Variants in JRK observed in about 807,000 individuals in gnomAD.
JRK encodes the protein Jrk helix-turn-helix protein.
For missense variants in JRK, 720 were observed against 509.2 expected (o/e 1.41, Z -3.98); for synonymous variants, 303 against 218.1 (o/e 1.39, Z -3.43).
Position 142,666,125 on chromosome 8 carries a change from C to T in JRK, c.-67G>A. Reference sequence around the variant, plus strand: ...TGGCCTGGGCTGCTGCCACTACTTCCCTCTCCTCCTGCTCCCCTTCTGGGG... The same window carrying T: ...TGGCCTGGGCTGCTGCCACTACTTCTCTCTCCTCCTGCTCCCCTTCTGGGG... On this transcript the variant is annotated 5_prime_UTR_variant, in exon 2 of 2. Coordinates refer to ENST00000612905, the MANE Select transcript of JRK (RefSeq NM_003724.4). The T allele has an allele frequency of 6.4e-7, 1 of 1,551,498 alleles. No homozygotes were observed. The highest frequency in any genetic ancestry group is 8.7e-7 in the Non-Finnish European group (1 of 1,147,836).
In JRK at chr8:142,663,223, G is replaced by A; in HGVS notation, c.*1129C>T. 1.0e-6 allele frequency: 1 copy of A among 985,452 alleles called. No homozygotes were observed. The highest frequency in any genetic ancestry group is 1.2e-6 in the Non-Finnish European group (1 of 829,950). 61.0% of individuals were successfully genotyped at this position (985,452 alleles called of 1,614,324 possible). A position where few individuals can be genotyped will look rare whatever the true frequency, so the allele number is the denominator to read the frequency against. ...CGAGGCTAATCACTGTGGACACAGGGCGTTCTGGAATCTCAGCTGCAGGCA... is the reference window on the plus strand; with the variant it reads ...CGAGGCTAATCACTGTGGACACAGGACGTTCTGGAATCTCAGCTGCAGGCA... On this transcript the variant is annotated 3_prime_UTR_variant, in exon 2 of 2. Transcript: ENST00000612905.
chr8:142,662,786 C>T lies in JRK; in HGVS notation c.*1566G>A, dbSNP rs782253207. ...ACAGCAGACGCTGGAATGCAAACTA[C>T]GTGCTGACTCGGCCAAATGATATGA... On this transcript the variant is annotated 3_prime_UTR_variant, in exon 2 of 2. Coordinates refer to ENST00000612905, the MANE Select transcript of JRK (RefSeq NM_003724.4). 1.2e-4 allele frequency: 120 copies of T among 985,232 alleles called. No homozygotes were observed. Among genetic ancestry groups the T allele is most frequent in the African/African-American group, 1.2e-3 (68 of 57,236 alleles). 61.0% of individuals were successfully genotyped at this position (985,232 alleles called of 1,614,324 possible).
chr8:142,664,293 T>C lies in JRK; in HGVS notation c.*59A>G, dbSNP rs1847011106. The C allele has an allele frequency of 6.0e-6, 9 of 1,495,972 alleles. No individual in the cohort carries two copies. The highest frequency in any genetic ancestry group is 1.4e-5 in the South Asian group (1 of 72,782). 92.7% of individuals were successfully genotyped at this position (1,495,972 alleles called of 1,614,324 possible). On this transcript the variant is annotated 3_prime_UTR_variant, in exon 2 of 2. Transcript: ENST00000612905. ...CAGGTGGGGTCGGGGCACAGGACCA[T>C]GCCACTCCAGGGTGTGGGGAGAAAC...
At chr8:142,646,121 T>C in the JRK span, among the ~76,000 whole-genome samples, 2 of 152,206 alleles carry the variant, frequency 1.3e-5, no homozygotes, top group Non-Finnish European at 2.9e-5. Flanking sequence ...TCCCATTACA[T>C]TTACCTAATT....
rs781865813 is a variant in JRK, at chr8:142,665,837, C to A, written c.222G>T (p.Ala74=). ...RFFASSDSNK[A]LEQRRTLHTP... is the part of the protein sequence containing the mutation. ...TGTGCAGCGTGCGCCGCTGCTCCAG[C>A]GCCTTGTTGGAGTCGGAGCTGGCGA... Residue 74 remains alanine, a synonymous_variant, in exon 2 of 2, where the codon GCG becomes GCT. Transcript: ENST00000612905. The A allele has an allele frequency of 2.6e-6, 2 of 779,356 alleles. No individual in the cohort carries two copies. The highest frequency in any genetic ancestry group is 1.7e-5 in the Admixed American group (1 of 58,880). The allele number at this position is 779,356 out of a possible 1,614,324, so 48.3% of individuals were successfully genotyped here.
At position 142,663,134 on chromosome 8, in the gene JRK, C is replaced by T. The variant is rs1374714228; in HGVS notation, c.*1218G>A. On this transcript the variant is annotated 3_prime_UTR_variant, in exon 2 of 2. Coordinates refer to ENST00000612905, the MANE Select transcript of JRK (RefSeq NM_003724.4). ...CACCACTTCACTCCAGCCTGGTCAA[C>T]AGAGTGAGACCCTGCCTCAAGAAAA... 7.1e-6 allele frequency: 7 copies of T among 979,482 alleles called. No homozygotes were observed. Among genetic ancestry groups the T allele is most frequent in the Non-Finnish European group, 8.5e-6 (7 of 824,630 alleles). The allele number at this position is 979,482 out of a possible 1,614,324, so 60.7% of individuals were successfully genotyped here. A position where few individuals can be genotyped will look rare whatever the true frequency, so the allele number is the denominator to read the frequency against.
chr8:142,665,780 C>T lies in JRK; in HGVS notation c.279G>A (p.Leu93=), dbSNP rs1554635877. 2 of 777,954 alleles carry T rather than the reference C, an allele frequency of 2.6e-6. No homozygotes were observed. The highest frequency in any genetic ancestry group is 1.7e-5 in the Admixed American group (1 of 58,784). The allele number at this position is 777,954 out of a possible 1,614,324, so 48.2% of individuals were successfully genotyped here. The part of the protein sequence containing the change: ...TPKLEHLDRV[L]YEWFLGKRSE... ...AGCGCTTCCCCAGGAACCACTCGTA[C>T]AGGACGCGGTCCAGGTGCTCCAGCT... Residue 93 remains leucine, a synonymous_variant, in exon 2 of 2, where the codon CTG becomes CTA. Transcript: ENST00000612905.
At chr8:142,644,198 T>C in the JRK span, among the ~76,000 whole-genome samples, 1 of 152,160 alleles carries the variant, frequency 6.6e-6, no homozygotes, top group Non-Finnish European at 1.5e-5. Flanking sequence ...TTTATAGCTT[T>C]TTTACAAAAT....
Position 142,658,028 on chromosome 8 carries a change from G to C in JRK, c.*6324C>G, listed in dbSNP as rs1202462450. 2.0e-5 allele frequency: 3 copies of C among 152,284 alleles called. No homozygotes were observed. Among genetic ancestry groups the C allele is most frequent in the Non-Finnish European group, 4.4e-5 (3 of 68,082 alleles). 9.4% of individuals were successfully genotyped at this position (152,284 alleles called of 1,614,324 possible). On this transcript the variant is annotated 3_prime_UTR_variant, in exon 2 of 2. Coordinates refer to ENST00000612905, the MANE Select transcript of JRK (RefSeq NM_003724.4). ...GAGGTGCTCCGTATTTATTGCCTCT[G>C]TCCGGGTCATGGTGGGCAGGTGGGT...
rs1311196951 is a variant in JRK at position 142,666,359 on chromosome 8, T to G, written c.-301A>C. ...AGGAGGTGACCCTGTCAGACTCCCC[T>G]CTGCTGCTCCACACGGCTGGAACTC... On this transcript the variant is annotated 5_prime_UTR_variant, in exon 2 of 2. Coordinates refer to ENST00000612905, the MANE Select transcript of JRK (RefSeq NM_003724.4). The G allele has an allele frequency of 2.0e-6, 1 of 508,140 alleles. No individual in the cohort carries two copies. The highest frequency in any genetic ancestry group is 3.9e-5 in the East Asian group (1 of 25,628). The allele number at this position is 508,140 out of a possible 1,614,324, so 31.5% of individuals were successfully genotyped here.
At position 142,666,457 on chromosome 8, in the gene JRK, C is replaced by T. The variant is rs1351253217; in HGVS notation, c.-399G>A. On this transcript the variant is annotated 5_prime_UTR_variant, in exon 2 of 2. Transcript: ENST00000612905. ...AGGTTTGGGGTGGTAGAGGTTTTAC[C>T]GCATAAGCAGCAGGTGCCTCTCCAG... 1.2e-5 allele frequency: 4 copies of T among 339,708 alleles called. No homozygotes were observed. The highest frequency in any genetic ancestry group is 5.9e-5 in the South Asian group (2 of 33,820). The allele number at this position is 339,708 out of a possible 1,614,324, so 21.0% of individuals were successfully genotyped here.
chr8:142,652,749 C>T (rs955311531), downstream of JRK, among the ~76,000 whole-genome samples: 28 of 152,154 alleles, frequency 1.8e-4, no homozygotes, highest in Non-Finnish European at 4.4e-5. Context: ...TTTCCTTTCA[C>T]ATAATCAATT....
At chr8:142,668,104 A>G (rs1847189112) in intron 1 of JRK, among the ~76,000 whole-genome samples, 1 of 152,222 alleles carries the variant, frequency 6.6e-6, no homozygotes, top group African/African-American at 2.4e-5. Flanking sequence ...ACTCCTCCGC[A>G]GGCCAGCAGT....
chr8:142,669,292 G>A (rs1004287517), intron 1 of JRK, among the ~76,000 whole-genome samples: 2 of 151,886 alleles, frequency 1.3e-5, no homozygotes, highest in African/African-American at 4.8e-5. Context: ...TGAGCTGGGG[G>A]TCAGAAGGAG....
chr8:142,643,695 CT>C, the JRK span, among the ~76,000 whole-genome samples: 5 of 152,166 alleles, frequency 3.3e-5, no homozygotes, highest in East Asian at 9.7e-4. Context: ...TCCCAAGGGG[CT>C]TTTATTGGCT....
rs183005595 is a variant in JRK at position 142,659,501 on chromosome 8, T to C, written c.*4851A>G. On this transcript the variant is annotated 3_prime_UTR_variant, in exon 2 of 2. Transcript: ENST00000612905. ...GGCCGTGCTGACAGGCTCTCTGCGATAGGGCCCAGCCATGGCCAGTGGGCC... is the reference window on the plus strand; with the variant it reads ...GGCCGTGCTGACAGGCTCTCTGCGACAGGGCCCAGCCATGGCCAGTGGGCC... 2,853 of 986,256 alleles carry C rather than the reference T, an allele frequency of 2.9e-3. 6 individuals carry two copies. The highest frequency in any genetic ancestry group is 3.1e-3 in the Non-Finnish European group (2,613 of 830,486). The allele number at this position is 986,256 out of a possible 1,614,324, so 61.1% of individuals were successfully genotyped here.
rs1846864421 is a variant in JRK, at chr8:142,659,888, C to T, written c.*4464G>A. On this transcript the variant is annotated 3_prime_UTR_variant, in exon 2 of 2. Transcript: ENST00000612905. ...AGTCTCATCCCTAAACAGGAGTGAC[C>T]CCACCTCATTTCATGTCATCATCAC... The T allele has an allele frequency of 1.0e-6, 1 of 985,442 alleles. No homozygotes were observed. The highest frequency in any genetic ancestry group is 1.2e-6 in the Non-Finnish European group (1 of 830,020). The allele number at this position is 985,442 out of a possible 1,614,324, so 61.0% of individuals were successfully genotyped here.
At position 142,659,673 on chromosome 8, in the gene JRK, G is replaced by C. The variant is rs587757211; in HGVS notation, c.*4679C>G. Reference sequence around the variant, plus strand: ...AGGAGGTTCAAGGCCTCAAACAAGAGTGGCCCCTAAAACAGTTGGTAAAGG... The same window carrying C: ...AGGAGGTTCAAGGCCTCAAACAAGACTGGCCCCTAAAACAGTTGGTAAAGG... On this transcript the variant is annotated 3_prime_UTR_variant, in exon 2 of 2. Transcript: ENST00000612905. The C allele has an allele frequency of 4.1e-6, 4 of 985,558 alleles. No homozygotes were observed. In the South Asian group the frequency reaches 1.9e-4, roughly 46 times the overall value. 61.1% of individuals were successfully genotyped at this position (985,558 alleles called of 1,614,324 possible).
Position 142,659,960 on chromosome 8 carries a change from T to A in JRK, c.*4392A>T. 1 of 985,596 alleles carries A rather than the reference T, an allele frequency of 1.0e-6. No individual in the cohort carries two copies. The highest frequency in any genetic ancestry group is 1.2e-6 in the Non-Finnish European group (1 of 830,020). 61.1% of individuals were successfully genotyped at this position (985,596 alleles called of 1,614,324 possible). On this transcript the variant is annotated 3_prime_UTR_variant, in exon 2 of 2. Transcript: ENST00000612905. ...GATGTGCAAGGTCTGAGGGTCCATG[T>A]GTAGAAGCAGAGGCCAGAGCTGACA...
Sources: allele counts gnomAD v4.1 joint callset (sites outside exome capture counted in the v4.1 genomes callset), GRCh38; gene constraint gnomAD v4.1.1; transcripts MANE v1.5; gene names NCBI Gene and HGNC (gene_info 2026-07-23, HGNC 2026-07-21).